Variants in GHR observed in about 807,000 individuals in gnomAD.
The protein encoded by GHR is growth hormone receptor.
A neutral mutation model predicts 67.1 loss-of-function variants in GHR; 35 were observed. The observed-to-expected ratio is 0.52, with a 90% CI of 0.40 to 0.69. GHR has a LOEUF of 0.69. Ranked by LOEUF, GHR falls within the 30% of genes least tolerant of loss-of-function variation. The probability of loss-of-function intolerance (pLI) is 0.00; values close to 1 mark genes in which losing one functional copy is unlikely to be tolerated. For missense variants in GHR, 792 were observed against 764.6 expected (o/e 1.04, Z -0.42); for synonymous variants, 272 against 269.1 (o/e 1.01, Z -0.10).
chr5:42,695,240 G>A, intron 5 of GHR, 151 bp downstream of exon 5: 1 of 682,686 alleles, frequency 1.5e-6, no homozygotes, highest in Non-Finnish European at 2.6e-6. Context: ...GGATCAGCTG[G>A]TGAACAAGAG....
In GHR at chr5:42,588,526, C is replaced by CAAAAAAAAAAAAAAAAAAAAAAAAAAAA. The variant is rs10716908; in HGVS notation, c.70+22607_70+22608insAAAAAAAAAAAAAAAAAAAAAAAAAAAA. ...GGGCAGCAAAAGCGAAACTCCATCT[C>CAAAAAAAAAAAAAAAAAAAAAAAAAAAA]AAAAAAAAAAAAAAAAAAAAAAAAA... On this transcript the variant is annotated intron_variant, in intron 2 of 9. Coordinates refer to ENST00000230882, the MANE Select transcript of GHR (RefSeq NM_000163.5). 4.2e-4 allele frequency among the ~76,000 whole-genome samples: 19 copies of CAAAAAAAAAAAAAAAAAAAAAAAAAAAA among 45,120 alleles called. 3 individuals are homozygous for CAAAAAAAAAAAAAAAAAAAAAAAAAAAA. Among genetic ancestry groups the CAAAAAAAAAAAAAAAAAAAAAAAAAAAA allele is most frequent in the African/African-American group, 1.3e-3 (16 of 12,596 alleles). 29.6% of individuals were successfully genotyped at this position (45,120 alleles called of 152,430 possible). A position where few individuals can be genotyped will look rare whatever the true frequency, so the allele number is the denominator to read the frequency against.
At chr5:42,697,496 AGGATT>A (rs1757730429) in intron 5 of GHR, among the ~76,000 whole-genome samples, 1 of 152,100 alleles carries the variant, frequency 6.6e-6, no homozygotes, top group South Asian at 2.1e-4. Context: ...TGAATAAAGA[AGGATT>A]GGAGAGGATA....
At chr5:42,483,531 C>T (rs1266064649) in intron 1 of GHR, among the ~76,000 whole-genome samples, 1 of 150,506 alleles carries the variant, frequency 6.6e-6, no homozygotes, top group East Asian at 1.9e-4. Flanking sequence ...TTCTTCACAA[C>T]ATCCAAAATA....
chr5:42,614,514 A>G (rs572995535), intron 2 of GHR, among the ~76,000 whole-genome samples: 8 of 145,650 alleles, frequency 5.5e-5, no homozygotes, highest in Admixed American at 3.4e-4. Context: ...GCTGGCCCAC[A>G]GACCATACTA....
chr5:42,576,098 A>T (rs202029490), intron 2 of GHR, among the ~76,000 whole-genome samples: 39 of 79,916 alleles, frequency 4.9e-4, no homozygotes, highest in Admixed American at 9.8e-4. Flanking sequence ...ATAAAATAAA[A>T]TAAATAAAAT....
chr5:42,534,735 C>A (rs946581692), intron 1 of GHR, among the ~76,000 whole-genome samples: 4 of 152,024 alleles, frequency 2.6e-5, no homozygotes, highest in Non-Finnish European at 5.9e-5. Flanking sequence ...GGAATCTCCA[C>A]GCTCTTTTCC....
chr5:42,637,582 A>G (rs1754262859), intron 3 of GHR, among the ~76,000 whole-genome samples: 2 of 152,144 alleles, frequency 1.3e-5, no homozygotes, highest in South Asian at 4.2e-4. Flanking sequence ...GCGTTAATTC[A>G]CTTATGATGA....
intron 2 of GHR, among the ~76,000 whole-genome samples, chr5:42,576,132 A>G (rs375064883): frequency 0.016 from 1,564 of 97,618 alleles, 47 homozygotes; most frequent in African/African-American, 0.051. Context: ...ATAAAATAAA[A>G]TAAAATAAAA....
At chr5:42,698,158 A>G (rs905361933) in intron 5 of GHR, among the ~76,000 whole-genome samples, 1 of 152,174 alleles carries the variant, frequency 6.6e-6, no homozygotes, top group African/African-American at 2.4e-5. Flanking sequence ...TATTTTTTAA[A>G]TATCTCACAG....
chr5:42,461,744 G>A (rs1744496371), intron 1 of GHR, among the ~76,000 whole-genome samples: 1 of 152,166 alleles, frequency 6.6e-6, no homozygotes, highest in Non-Finnish European at 1.5e-5. Context: ...AGCACAGAAT[G>A]TCTCTTAGTA....
chr5:42,437,704 C>T (rs1207240377), intron 1 of GHR, among the ~76,000 whole-genome samples: 2 of 151,746 alleles, frequency 1.3e-5, no homozygotes, highest in Admixed American at 6.6e-5. Flanking sequence ...CAGGCCACCA[C>T]GCCCAGCTAA....
chr5:42,508,079 C>T (rs1746853531), intron 1 of GHR, among the ~76,000 whole-genome samples: 1 of 152,138 alleles, frequency 6.6e-6, no homozygotes. Flanking sequence ...GAATCCAGGA[C>T]CTTGACCTCA....
At chr5:42,695,368 C>T (rs959205664) in intron 5 of GHR, among the ~76,000 whole-genome samples, 12 of 152,116 alleles carry the variant, frequency 7.9e-5, no homozygotes, top group African/African-American at 2.7e-4. Flanking sequence ...TTTGAAGCTG[C>T]GTTGTGTTTT....
chr5:42,448,425 C>A (rs1439086795), intron 1 of GHR, among the ~76,000 whole-genome samples: 2 of 151,798 alleles, frequency 1.3e-5, no homozygotes, highest in Non-Finnish European at 2.9e-5. Context: ...GTCCTTTGCC[C>A]ACTTTTTGAT....
intron 2 of GHR, among the ~76,000 whole-genome samples, chr5:42,594,967 C>T (rs1402887395): frequency 6.6e-6 from 1 of 152,064 alleles, no homozygotes; most frequent in Non-Finnish European, 1.5e-5. Flanking sequence ...AATAGTTTAA[C>T]TTTGTGAGCT....
intron 1 of GHR, among the ~76,000 whole-genome samples, chr5:42,543,904 C>A (rs1033581491): frequency 6.6e-6 from 1 of 152,016 alleles, no homozygotes; most frequent in Non-Finnish European, 1.5e-5. Flanking sequence ...TTCAGTACTA[C>A]TCTCAATTTT....
chr5:42,639,231 A>G (rs756434015), intron 3 of GHR, among the ~76,000 whole-genome samples: 4 of 152,194 alleles, frequency 2.6e-5, no homozygotes, highest in Non-Finnish European at 5.9e-5. Context: ...CACACTTGAC[A>G]TTGTAGTTTG....
rs367909464 is a variant in GHR at position 42,533,784 on chromosome 5, C to A, written c.-11-32080C>A. 3.3e-5 allele frequency among the ~76,000 whole-genome samples: 5 copies of A among 151,928 alleles called. No homozygotes were observed. The South Asian group carries it at 6.2e-4, about 19-fold the overall frequency. ...GATTCTAGTGCACCCATCACCCAAGCAGTATACACTGCACCATATTTGTTT... is the reference window on the plus strand; with the variant it reads ...GATTCTAGTGCACCCATCACCCAAGAAGTATACACTGCACCATATTTGTTT... On this transcript the variant is annotated intron_variant, in intron 1 of 9. Coordinates refer to ENST00000230882, the MANE Select transcript of GHR (RefSeq NM_000163.5).
intron 2 of GHR, among the ~76,000 whole-genome samples, chr5:42,592,058 G>A (rs757446899): frequency 6.6e-6 from 1 of 152,074 alleles, no homozygotes; most frequent in Non-Finnish European, 1.5e-5. Flanking sequence ...GTTTTTCAGT[G>A]TTTCAGGGAG....
Sources: allele counts gnomAD v4.1 joint callset (sites outside exome capture counted in the v4.1 genomes callset), GRCh38; gene constraint gnomAD v4.1.1; transcripts MANE v1.5; gene names NCBI Gene and HGNC (gene_info 2026-07-23, HGNC 2026-07-21).